The following GPD2 variants were observed in gnomAD, a reference collection of about 807,000 sequenced individuals.
GPD2 encodes glycerol-3-phosphate dehydrogenase 2, also known as glycerol-3-phosphate dehydrogenase, mitochondrial.
In GPD2, 54 loss-of-function variants were observed where a neutral mutation model predicts 82.4. That is an observed-to-expected ratio of 0.66 (90% CI 0.53 to 0.82). The LOEUF (loss-of-function observed/expected upper bound fraction) is 0.82. Ranked by LOEUF, GPD2 falls within the 40% of genes least tolerant of loss-of-function variation. The probability of loss-of-function intolerance (pLI) is 0.00; values close to 1 mark genes in which losing one functional copy is unlikely to be tolerated. For missense variants in GPD2, 748 were observed against 896.2 expected, an observed-to-expected ratio of 0.83 and a Z score of 2.11; for synonymous variants, 288 against 306.1, an observed-to-expected ratio of 0.94 and a Z score of 0.62.
At chr2:156,405,488 A>C in the GPD2 span, among the ~76,000 whole-genome samples, 1 of 152,238 alleles carries the variant, frequency 6.6e-6, no homozygotes, top group Admixed American at 6.5e-5. Context: ...TTGAGGAGCC[A>C]AAGTTGGAGA....
In GPD2 at chr2:156,541,638, A is replaced by T. The variant is rs113894748; in HGVS notation, c.662-7970A>T. ...AAAGCCAGGCATTTCAAGAAGGTTTATCAATGAATTTAGTGCATTTCACAA... is the reference window on the plus strand; with the variant it reads ...AAAGCCAGGCATTTCAAGAAGGTTTTTCAATGAATTTAGTGCATTTCACAA... On this transcript the variant is annotated intron_variant, in intron 6 of 16. Transcript: ENST00000438166. 5.8e-3 allele frequency among the ~76,000 whole-genome samples: 886 copies of T among 152,296 alleles called. 6 individuals carry two copies. The highest frequency in any genetic ancestry group is 0.014 in the Middle Eastern group (4 of 294).
intron 3 of GPD2, among the ~76,000 whole-genome samples, chr2:156,503,377 C>T (rs1036647446): frequency 1.3e-5 from 2 of 152,120 alleles, no homozygotes; most frequent in African/African-American, 2.4e-5. Context: ...CTCTGAGTTT[C>T]TGTTACATTT....
At chr2:156,420,671 T>G in the GPD2 span, among the ~76,000 whole-genome samples, 1 of 152,268 alleles carries the variant, frequency 6.6e-6, no homozygotes, top group Admixed American at 6.5e-5. Flanking sequence ...TTGAGCTGTT[T>G]AAATCTTTTT....
rs1304567692 is a variant in GPD2, at chr2:156,506,020, G to C, written c.275-4776G>C. On this transcript the variant is annotated intron_variant, in intron 3 of 16. Coordinates refer to ENST00000438166, the MANE Select transcript of GPD2 (RefSeq NM_000408.5). ...GTTATTGTCTTCATTGCAGTTGGTT[G>C]GTTGGTTAATTAGTTAAGAAATAGT... Among the ~76,000 whole-genome samples, 6 of 152,254 alleles carry C rather than the reference G, an allele frequency of 3.9e-5. No homozygotes were observed. The East Asian group carries it at 1.2e-3, about 29-fold the overall frequency.
At position 156,513,351 on chromosome 2, in the gene GPD2, C is replaced by T; in HGVS notation, c.516C>T (p.Tyr172=). ...LPVYKWWQLP[Y]YWVGIKLYDL... ...GCTGTAGGTGGTGGCAGTTACCTTA[C>T]TACTGGGTAGGAATCAAGCTGTATG... Residue 172 remains tyrosine, a synonymous_variant, in exon 6 of 17, where the codon TAC becomes TAT. Coordinates refer to ENST00000438166, the MANE Select transcript of GPD2 (RefSeq NM_000408.5). 3.1e-6 allele frequency: 5 copies of T among 1,611,334 alleles called. No homozygotes were observed. Among genetic ancestry groups the T allele is most frequent in the Non-Finnish European group, 4.2e-6 (5 of 1,178,812 alleles).
intron 6 of GPD2, among the ~76,000 whole-genome samples, chr2:156,532,062 G>A (rs1224135298): frequency 6.6e-6 from 1 of 152,026 alleles, no homozygotes; most frequent in Non-Finnish European, 1.5e-5. Flanking sequence ...GAGTACAGTG[G>A]AGTGATCACA....
At position 156,557,382 on chromosome 2, in the gene GPD2, A is replaced by G; in HGVS notation, c.972-7A>G. ...TCAGAAATAAATAATCCTTCTTTGT[A>G]TCTCAGCCCAGAGAGCATGGGACTT... On this transcript the variant is annotated splice_region_variant and splice_polypyrimidine_tract_variant and intron_variant, in intron 8 of 16. Coordinates refer to ENST00000438166, the MANE Select transcript of GPD2 (RefSeq NM_000408.5). 6.4e-7 allele frequency: 1 copy of G among 1,555,380 alleles called. No homozygotes were observed. Among genetic ancestry groups the G allele is most frequent in the African/African-American group, 1.4e-5 (1 of 73,958 alleles).
intron 2 of GPD2, among the ~76,000 whole-genome samples, chr2:156,489,974 C>T (rs1387964070): frequency 2.0e-5 from 3 of 150,616 alleles, no homozygotes; most frequent in South Asian, 2.1e-4. Context: ...CGCAGGGTTT[C>T]GGTCTCCCAG....
Position 156,578,951 on chromosome 2 carries a change from A to G in GPD2, c.1830A>G (p.Glu610=). ...AAATGGGCTATAAATCTCGATCAGA[A>G]CAGTTAACAGATCGCTCTGAAATTA... is the stretch of plus-strand genomic sequence containing the variant. ...YYEMGYKSRS[E]QLTDRSEISL... is the part of the protein sequence containing the mutation. The change falls in exon 14 of 17, where the codon GAA becomes GAG. Residue 610 remains glutamate (E), a synonymous_variant. Coordinates refer to ENST00000438166, the MANE Select transcript of GPD2 (RefSeq NM_000408.5). The G allele has an allele frequency of 6.2e-7, 1 of 1,611,988 alleles. No homozygotes were observed. Among genetic ancestry groups the G allele is most frequent in the Non-Finnish European group, 8.5e-7 (1 of 1,178,218 alleles).
At chr2:156,528,505 G>A (rs1685697836) in intron 6 of GPD2, among the ~76,000 whole-genome samples, 1 of 150,884 alleles carries the variant, frequency 6.6e-6, no homozygotes, top group African/African-American at 2.4e-5. Context: ...AGTTACATAT[G>A]TATACATGTG....
intron 2 of GPD2, among the ~76,000 whole-genome samples, chr2:156,490,470 G>A (rs1392316457): frequency 1.3e-5 from 2 of 151,748 alleles, no homozygotes; most frequent in East Asian, 1.9e-4. Flanking sequence ...AGTGCTGTAT[G>A]TTTTAAAAAA....
chr2:156,428,717 T>G, the GPD2 span, among the ~76,000 whole-genome samples: 2 of 152,222 alleles, frequency 1.3e-5, no homozygotes, highest in African/African-American at 4.8e-5. Context: ...CATTTAACCA[T>G]TCTCTCCTTC....
rs555191672 is a variant in GPD2, at chr2:156,443,650, T to C, written c.-9+7137T>C. On this transcript the variant is annotated intron_variant, in intron 1 of 16. Transcript: ENST00000438166. ...GCTGAGAGGTTTAATATCTTAAGGA[T>C]ATTTAGGAGAGGGAAGGGGCGAAGT... Among the ~76,000 whole-genome samples the C allele has an allele frequency of 2.6e-5, 4 of 152,302 alleles. No homozygotes were observed. In the South Asian group the frequency reaches 8.3e-4, roughly 32 times the overall value.
chr2:156,565,067 TATAAC>T lies in GPD2; in HGVS notation c.1166-3756_1166-3752del, dbSNP rs541656211. Among the ~76,000 whole-genome samples the T allele has an allele frequency of 3.5e-3, 540 of 152,268 alleles. 4 individuals carry two copies. The highest frequency in any genetic ancestry group is 0.013 in the African/African-American group (521 of 41,586). On this transcript the variant is annotated intron_variant, in intron 9 of 16. Coordinates refer to ENST00000438166, the MANE Select transcript of GPD2 (RefSeq NM_000408.5). ...TTCATAGATGTGCTTTTCTGCCTGTTATAACAGAAAAGGTAAGGCATTTGCCACAG... is the reference window on the plus strand; with the variant it reads ...TTCATAGATGTGCTTTTCTGCCTGTTAGAAAAGGTAAGGCATTTGCCACAG...
intron 1 of GPD2, among the ~76,000 whole-genome samples, chr2:156,461,747 AC>A (rs1206148345): frequency 6.6e-6 from 1 of 152,182 alleles, no homozygotes; most frequent in African/African-American, 2.4e-5. Context: ...CTTTCAAAAT[AC>A]TTAATTTTTA....
At chr2:156,555,532 T>G (rs1390948192) in intron 8 of GPD2, among the ~76,000 whole-genome samples, 1 of 152,174 alleles carries the variant, frequency 6.6e-6, no homozygotes, top group Non-Finnish European at 1.5e-5. Flanking sequence ...ATTTTTTTGT[T>G]TCAATATACT....
chr2:156,515,167 C>CT, intron 6 of GPD2, among the ~76,000 whole-genome samples: 1 of 152,032 alleles, frequency 6.6e-6, no homozygotes, highest in Non-Finnish European at 1.5e-5. Context: ...AATCCTAGCA[C>CT]TTTAAGAGGC....
intron 2 of GPD2, among the ~76,000 whole-genome samples, chr2:156,482,222 G>A (rs745851700): frequency 2.5e-4 from 38 of 152,116 alleles, no homozygotes; most frequent in Non-Finnish European, 3.5e-4. Flanking sequence ...CTTCATTTTA[G>A]GTTATAGAAG....
intron 8 of GPD2, among the ~76,000 whole-genome samples, chr2:156,553,615 C>T (rs1686851885): frequency 6.6e-6 from 1 of 152,048 alleles, no homozygotes; most frequent in Admixed American, 6.6e-5. Context: ...TGTTCCCTCC[C>T]CCAGTTCTTC....
Sources: gnomAD v4.1 joint callset for allele counts (sites outside exome capture counted in the v4.1 genomes callset) on GRCh38, gnomAD v4.1.1 for gene constraint, MANE v1.5 for transcripts, NCBI Gene and HGNC (gene_info 2026-07-23, HGNC 2026-07-21) for gene names.